Variants in CYTH3 observed in about 807,000 individuals in gnomAD.
The protein encoded by CYTH3 is cytohesin 3.
In CYTH3, 23 loss-of-function variants were observed where a neutral mutation model predicts 55.1. The observed-to-expected ratio is 0.42, with a 90% CI of 0.30 to 0.59. CYTH3 has a LOEUF of 0.59. CYTH3 is among the 20% of genes least tolerant of loss of function. The probability of loss-of-function intolerance (pLI) is 0.20; values close to 1 mark genes in which losing one functional copy is unlikely to be tolerated. For synonymous variants in CYTH3, 249 were observed against 194.9 expected, an observed-to-expected ratio of 1.28 and a Z score of -2.31; for missense variants, 413 against 524.8, an observed-to-expected ratio of 0.79 and a Z score of 2.08.
intron 1 of CYTH3, among the ~76,000 whole-genome samples, chr7:6,224,016 C>A (rs993308862): frequency 6.6e-6 from 1 of 152,020 alleles, no homozygotes; most frequent in East Asian, 1.9e-4. Flanking sequence ...TGATTCACAA[C>A]TGTTATCCTA....
At chr7:6,233,403 G>C (rs1194076067) in intron 1 of CYTH3, among the ~76,000 whole-genome samples, 2 of 152,104 alleles carry the variant, frequency 1.3e-5, no homozygotes, top group African/African-American at 4.8e-5. Context: ...GTTTAAAACA[G>C]TAAATGACTT....
At chr7:6,210,022 A>G (rs1784288653) in intron 1 of CYTH3, among the ~76,000 whole-genome samples, 1 of 152,158 alleles carries the variant, frequency 6.6e-6, no homozygotes, top group African/African-American at 2.4e-5. Context: ...TCTGTATGAT[A>G]CGGTAATGGT....
At chr7:6,178,534 C>T (rs1783403393) in intron 4 of CYTH3, among the ~76,000 whole-genome samples, 1 of 152,224 alleles carries the variant, frequency 6.6e-6, no homozygotes. Flanking sequence ...GCTCTTCCTC[C>T]TCCTTTCTGC....
Position 6,217,474 on chromosome 7 carries a change from A to G in CYTH3, c.35-26943T>C, listed in dbSNP as rs759399749. ...AAACTTCAGAGCAAAGAAAACTACC[A>G]GAGACAGATACTATATAATGATCCA... On this transcript the variant is annotated intron_variant, in intron 1 of 12. Coordinates refer to ENST00000350796, the MANE Select transcript of CYTH3 (RefSeq NM_004227.4). Among the ~76,000 whole-genome samples, 7 of 152,358 alleles carry G rather than the reference A, an allele frequency of 4.6e-5. No individual in the cohort carries two copies. The South Asian group carries it at 8.3e-4, about 18-fold the overall frequency.
At chr7:6,209,530 T>C (rs995901128) in intron 1 of CYTH3, among the ~76,000 whole-genome samples, 2 of 152,174 alleles carry the variant, frequency 1.3e-5, no homozygotes, top group African/African-American at 4.8e-5. Flanking sequence ...TAAAAACCAT[T>C]TGAGGACACT....
Position 6,171,015 on chromosome 7 carries a change from C to A in CYTH3, c.563-37G>T, listed in dbSNP as rs1783172606. ...CCGGGGTGCTGGGCTCAGCCAGAACCTCCAGTGGACAGTGGGACCCCGCGT... is the reference window on the plus strand; with the variant it reads ...CCGGGGTGCTGGGCTCAGCCAGAACATCCAGTGGACAGTGGGACCCCGCGT... On this transcript the variant is annotated intron_variant, in intron 7 of 12. Transcript: ENST00000350796. This position sits in a 1 kb window ranked among gnomAD's most constrained non-coding sequence, Gnocchi z 6.7. 6.2e-7 allele frequency: 1 copy of A among 1,611,684 alleles called. No homozygotes were observed.
intron 5 of CYTH3, among the ~76,000 whole-genome samples, chr7:6,173,936 C>A (rs985185263): frequency 1.3e-5 from 2 of 152,086 alleles, no homozygotes; most frequent in Admixed American, 1.3e-4. Context: ...CTCAAGTGGT[C>A]CTCCCACACC....
At chr7:6,223,317 G>C (rs1383768415) in intron 1 of CYTH3, among the ~76,000 whole-genome samples, 2 of 152,224 alleles carry the variant, frequency 1.3e-5, no homozygotes, top group Admixed American at 1.3e-4. Flanking sequence ...TCTGGGAAGT[G>C]TACCCAACAG....
intron 1 of CYTH3, among the ~76,000 whole-genome samples, chr7:6,263,889 G>T (rs985730815): frequency 1.3e-5 from 2 of 152,088 alleles, no homozygotes; most frequent in African/African-American, 2.4e-5. Flanking sequence ...TAATCACAAG[G>T]ATAATCTCTA....
chr7:6,198,398 G>C (rs1295662540), intron 1 of CYTH3, among the ~76,000 whole-genome samples: 3 of 148,114 alleles, frequency 2.0e-5, no homozygotes, highest in Non-Finnish European at 4.5e-5. Context: ...GTATCCCTCT[G>C]CATCCAAAAT....
intron 1 of CYTH3, among the ~76,000 whole-genome samples, chr7:6,249,968 A>G (rs769763146): frequency 6.6e-6 from 1 of 152,208 alleles, no homozygotes; most frequent in Non-Finnish European, 1.5e-5. Context: ...GAATTTATTC[A>G]TCTTACAAAT....
intron 1 of CYTH3, among the ~76,000 whole-genome samples, chr7:6,268,765 CCACCCAGAGAAACAGAGA>C (rs1323642928): frequency 6.6e-6 from 1 of 152,052 alleles, no homozygotes; most frequent in African/African-American, 2.4e-5. Context: ...CTATCAGGGT[CCACCCAGAGAAACAGAGA>C]CATCCAGAGA....
Position 6,252,837 on chromosome 7 carries a change from T to C in CYTH3, c.34+19637A>G, listed in dbSNP as rs59396340. ...CTAAATTTTCCAATTGTTAAGTTCA[T>C]TTCTTTATAAAACCATGGCCAAATA... On this transcript the variant is annotated intron_variant, in intron 1 of 12. Coordinates refer to ENST00000350796, the MANE Select transcript of CYTH3 (RefSeq NM_004227.4). Among the ~76,000 whole-genome samples the C allele has an allele frequency of 6.1e-3, 936 of 152,338 alleles. 8 individuals are homozygous for C. The highest frequency in any genetic ancestry group is 0.021 in the African/African-American group (888 of 41,548).
At chr7:6,250,295 A>T (rs956640723) in intron 1 of CYTH3, among the ~76,000 whole-genome samples, 2 of 152,236 alleles carry the variant, frequency 1.3e-5, no homozygotes, top group African/African-American at 4.8e-5. Context: ...TTTCAATAGC[A>T]AGGATTTGAT....
At chr7:6,249,347 T>C (rs1169797464) in intron 1 of CYTH3, among the ~76,000 whole-genome samples, 1 of 152,138 alleles carries the variant, frequency 6.6e-6, no homozygotes, top group Non-Finnish European at 1.5e-5. Context: ...GTTCCAATTC[T>C]CCCCAGGCAA....
chr7:6,259,772 T>TTATATATATATTA (rs1780258202), intron 1 of CYTH3, among the ~76,000 whole-genome samples: 38 of 30,492 alleles, frequency 1.2e-3, no homozygotes, highest in African/African-American at 0.012. Context: ...TATATATATA[T>TTATATATATATTA]TATATATATA....
chr7:6,229,739 C>T (rs571496043), intron 1 of CYTH3, among the ~76,000 whole-genome samples: 2 of 151,356 alleles, frequency 1.3e-5, no homozygotes, highest in Non-Finnish European at 2.9e-5. Flanking sequence ...GACACTTGAA[C>T]CCGGGAGGCG....
chr7:6,271,048 A>T (rs1334659825), intron 1 of CYTH3, among the ~76,000 whole-genome samples: 1 of 152,174 alleles, frequency 6.6e-6, no homozygotes, highest in Admixed American at 6.5e-5. Flanking sequence ...AAATTGTGAC[A>T]GGCAGGAAAC....
At chr7:6,231,756 TCC>T (rs1415811110) in intron 1 of CYTH3, among the ~76,000 whole-genome samples, 1 of 152,154 alleles carries the variant, frequency 6.6e-6, no homozygotes, top group Admixed American at 6.5e-5. Flanking sequence ...ATGATTATTA[TCC>T]CCCAAGTGGG....
Sources: allele counts gnomAD v4.1 joint callset (sites outside exome capture counted in the v4.1 genomes callset), GRCh38; gene constraint gnomAD v4.1.1; non-coding constraint Gnocchi (gnomAD v3.1); transcripts MANE v1.5; gene names NCBI Gene and HGNC (gene_info 2026-07-23, HGNC 2026-07-21).